The following CXXC5 variants were observed in gnomAD, a reference collection of about 807,000 sequenced individuals.
CXXC5 encodes the protein CXXC finger protein 5, also known as CXXC-type zinc finger protein 5.
Under a neutral mutation model 17.6 loss-of-function variants are expected in CXXC5, and 2 were observed. The observed-to-expected ratio is 0.11, with a 90% CI of 0.05 to 0.36. The LOEUF is 0.36. CXXC5 is among the 10% of genes least tolerant of loss of function. CXXC5 has a pLI of 1.00. For missense variants in CXXC5, 343 were observed against 458.3 expected, an observed-to-expected ratio of 0.75 and a Z score of 2.30; for synonymous variants, 171 against 193.0, an observed-to-expected ratio of 0.89 and a Z score of 0.94.
intron 1 of CXXC5, among the ~76,000 whole-genome samples, chr5:139,678,598 C>G (rs1197310661): frequency 1.3e-5 from 2 of 152,242 alleles, no homozygotes; most frequent in African/African-American, 4.8e-5. Context: ...CACACCCGGT[C>G]CTCTTTGGCC....
chr5:139,674,147 C>T (rs757302786), intron 1 of CXXC5, among the ~76,000 whole-genome samples: 4 of 152,134 alleles, frequency 2.6e-5, no homozygotes, highest in African/African-American at 9.7e-5. Flanking sequence ...CTGTGCTCTC[C>T]GCCTGGGGCT....
At chr5:139,647,547 G>A (rs1011040477), upstream of CXXC5, 1 of 152,202 alleles carries the variant, frequency 6.6e-6, no homozygotes, top group Admixed American at 6.5e-5. Context: ...TGTCCCCACT[G>A]GGCGCCTACT....
In CXXC5 at chr5:139,670,500, T is replaced by C. The variant is rs1052346965; in HGVS notation, c.-160-9864T>C. 1.3e-5 allele frequency among the ~76,000 whole-genome samples: 2 copies of C among 152,168 alleles called. No individual in the cohort carries two copies. The highest frequency in any genetic ancestry group is 2.9e-5 in the Non-Finnish European group (2 of 68,026). ...CCCTAGCAGCTGGCACCAGTTCCTG[T>C]CTACACCATCCCCGTCCCAGTAGGG... On this transcript the variant is annotated intron_variant, in intron 1 of 2. Transcript: ENST00000302517. The surrounding 1 kb of genome is among the most constrained non-coding windows in gnomAD (Gnocchi z 4.2).
At chr5:139,671,516 G>T (rs1424548993) in intron 1 of CXXC5, among the ~76,000 whole-genome samples, 2 of 152,232 alleles carry the variant, frequency 1.3e-5, no homozygotes, top group Admixed American at 1.3e-4. Context: ...CGGGTGGCGG[G>T]TTGGGGCAGG....
intron 1 of CXXC5, among the ~76,000 whole-genome samples, chr5:139,652,524 C>G (rs1755270368): frequency 6.6e-6 from 1 of 152,118 alleles, no homozygotes; most frequent in Non-Finnish European, 1.5e-5. Flanking sequence ...GTCTGTTGTT[C>G]TGGGATGTGG....
intron 1 of CXXC5, among the ~76,000 whole-genome samples, chr5:139,650,626 TG>T (rs1755119631): frequency 6.6e-6 from 1 of 152,020 alleles, no homozygotes; most frequent in African/African-American, 2.4e-5. Context: ...GGCCGCGGGG[TG>T]GGGGGCGTCT....
intron 1 of CXXC5, among the ~76,000 whole-genome samples, chr5:139,652,088 T>C (rs991145594): frequency 6.6e-6 from 1 of 151,958 alleles, no homozygotes; most frequent in South Asian, 2.1e-4. Flanking sequence ...TTTCCCTCTT[T>C]TCTTTTTTCT....
chr5:139,666,822 C>CT (rs752057976), intron 1 of CXXC5, among the ~76,000 whole-genome samples: 7 of 152,338 alleles, frequency 4.6e-5, no homozygotes, highest in Non-Finnish European at 7.3e-5. Context: ...AGTGAGCTGA[C>CT]TGAGACTGTG....
intron 1 of CXXC5, among the ~76,000 whole-genome samples, chr5:139,660,186 G>A (rs556015293): frequency 6.6e-6 from 1 of 152,346 alleles, no homozygotes; most frequent in East Asian, 1.9e-4. Flanking sequence ...GGATGATCCT[G>A]TGGGGTCTGA....
chr5:139,648,980 T>C (rs1755008385), intron 1 of CXXC5, 135 bp downstream of exon 1: 1 of 151,668 alleles, frequency 6.6e-6, no homozygotes. Flanking sequence ...CGGCGGAAAG[T>C]TTGGCTGCGC....
intron 1 of CXXC5, among the ~76,000 whole-genome samples, chr5:139,664,608 A>G (rs1298346137): frequency 1.3e-5 from 2 of 152,116 alleles, no homozygotes; most frequent in East Asian, 1.9e-4. Flanking sequence ...CATCTGTGAA[A>G]TGACTGTGCG....
chr5:139,682,793 C>T (rs1366392848), intron 2 of CXXC5, 70 bp from the exon 3 acceptor site: 63 of 1,454,740 alleles, frequency 4.3e-5, no homozygotes, highest in South Asian at 3.2e-4. Flanking sequence ...CATGGGGGAA[C>T]GTCTTTGCTC....
At chr5:139,673,407 C>T (rs1362553697) in intron 1 of CXXC5, among the ~76,000 whole-genome samples, 2 of 152,170 alleles carry the variant, frequency 1.3e-5, no homozygotes, top group Non-Finnish European at 2.9e-5. Context: ...GAGGAAAGGG[C>T]CTGTCTTTAT....
At chr5:139,653,869 G>T (rs1405518324) in intron 1 of CXXC5, among the ~76,000 whole-genome samples, 1 of 152,284 alleles carries the variant, frequency 6.6e-6, no homozygotes, top group African/African-American at 2.4e-5. Context: ...GAGGGAGGGA[G>T]GGGATCCTGC....
intron 1 of CXXC5, among the ~76,000 whole-genome samples, chr5:139,650,461 G>C (rs936146042): frequency 6.6e-6 from 1 of 152,170 alleles, no homozygotes; most frequent in Non-Finnish European, 1.5e-5. Context: ...GAGATCGCTC[G>C]GCCCTCGCCC....
At chr5:139,656,376 C>A (rs1755497898) in intron 1 of CXXC5, among the ~76,000 whole-genome samples, 1 of 152,252 alleles carries the variant, frequency 6.6e-6, no homozygotes. Context: ...GGCTGTGCTC[C>A]TGGCATCACT....
intron 1 of CXXC5, among the ~76,000 whole-genome samples, chr5:139,674,476 T>C (rs1756667315): frequency 6.6e-6 from 1 of 152,124 alleles, no homozygotes; most frequent in South Asian, 2.1e-4. Context: ...GCAGCTCTGC[T>C]GGGCCAGTGT....
At position 139,680,811 on chromosome 5, in the gene CXXC5, G is replaced by C. The variant is rs768000715; in HGVS notation, c.288G>C (p.Met96Ile). ...GSSGGSGGGS[M>I]MGGESADKAT... ...GTGGTGGTAGTGGCGGTGGCAGCAT[G>C]ATGGGCGGAGAGTCTGCTGACAAGG... is the stretch of plus-strand genomic sequence containing the variant. The change falls in exon 2 of 3, where the codon ATG becomes ATC. Residue 96 changes from methionine (M) to isoleucine (I), a missense_variant. Around this residue, in one of 4 missense-constraint regions of CXXC5, gnomAD observed 297 missense variants for 363.4 expected, o/e 0.82. Transcript: ENST00000302517. 3.1e-6 allele frequency: 5 copies of C among 1,612,700 alleles called. No homozygotes were observed. Among genetic ancestry groups the C allele is most frequent in the Admixed American group, 3.3e-5 (2 of 60,032 alleles).
intron 1 of CXXC5, among the ~76,000 whole-genome samples, chr5:139,655,215 C>T (rs541759759): frequency 3.7e-4 from 56 of 152,270 alleles, no homozygotes; most frequent in Non-Finnish European, 3.8e-4. Flanking sequence ...GTCCCTCCAT[C>T]GCAGGAGGAG....
Sources: allele counts gnomAD v4.1 joint callset (sites outside exome capture counted in the v4.1 genomes callset), GRCh38; gene constraint gnomAD v4.1.1; regional missense constraint gnomAD v4.1.1; non-coding constraint Gnocchi (gnomAD v3.1); transcripts MANE v1.5; gene names NCBI Gene and HGNC (gene_info 2026-07-23, HGNC 2026-07-21).